ARID5B: variants seen among roughly 807,000 people sequenced by gnomAD.
The protein encoded by ARID5B is AT-rich interactive domain-containing protein 5B.
In ARID5B, 13 loss-of-function variants were observed where a neutral mutation model predicts 97.2. That is an observed-to-expected ratio of 0.13 (90% confidence interval 0.09 to 0.21). ARID5B has a LOEUF of 0.21. ARID5B is among the 10% of genes least tolerant of loss of function. ARID5B has a pLI of 1.00. For missense variants in ARID5B, 1,210 were observed against 1,465.3 expected, an observed-to-expected ratio of 0.83 and a Z score of 2.84; for synonymous variants, 556 against 570.3, an observed-to-expected ratio of 0.97 and a Z score of 0.36.
In ARID5B at chr10:62,089,486, C is replaced by CCTTT. The variant is rs1403742956; in HGVS notation, c.1399-1372_1399-1369dup. Among the ~76,000 whole-genome samples, 5 of 150,780 alleles carry CCTTT rather than the reference C, an allele frequency of 3.3e-5. No homozygotes were observed. In the South Asian group the frequency reaches 8.4e-4, roughly 25 times the overall value. On this transcript the variant is annotated intron_variant, in intron 9 of 9. Transcript: ENST00000279873. ...TCCTGCCTGCCTGCCTTCCTTCCTT[C>CCTTT]CTTTCTTCCTTCCTTCCTTCCCTCC... is the stretch of plus-strand genomic sequence containing the variant.
chr10:61,996,287 T>C (rs546145766), intron 3 of ARID5B, among the ~76,000 whole-genome samples: 2 of 152,200 alleles, frequency 1.3e-5, no homozygotes, highest in South Asian at 4.1e-4. Flanking sequence ...AACAGAAGTC[T>C]TATATTTGAC....
intron 4 of ARID5B, among the ~76,000 whole-genome samples, chr10:62,015,010 G>A (rs1027274341): frequency 2.0e-5 from 3 of 152,022 alleles, no homozygotes; most frequent in East Asian, 1.9e-4. Flanking sequence ...CTCTGTAAAC[G>A]TTACACTTCA....
chr10:61,934,401 C>T (rs551395524), intron 2 of ARID5B, among the ~76,000 whole-genome samples: 28 of 152,294 alleles, frequency 1.8e-4, no homozygotes, highest in African/African-American at 6.5e-4. Context: ...GGTTAACTGG[C>T]GCAAGAGGCC....
chr10:62,042,176 A>C (rs1415734785), intron 4 of ARID5B, among the ~76,000 whole-genome samples: 1 of 152,312 alleles, frequency 6.6e-6, no homozygotes, highest in East Asian at 1.9e-4. Flanking sequence ...GAAAGACTAA[A>C]TCTGTATTTA....
intron 4 of ARID5B, among the ~76,000 whole-genome samples, chr10:62,002,124 A>C (rs1160775337): frequency 6.6e-6 from 1 of 152,214 alleles, no homozygotes; most frequent in Non-Finnish European, 1.5e-5. Context: ...TTCACAACGT[A>C]ATATGAGGAA....
chr10:62,028,579 C>T (rs1839452355), intron 4 of ARID5B, among the ~76,000 whole-genome samples: 1 of 152,142 alleles, frequency 6.6e-6, no homozygotes, highest in South Asian at 2.1e-4. Flanking sequence ...GCCTCAGTTT[C>T]CTCATTTCTA....
At chr10:62,069,608 C>G in intron 7 of ARID5B, 92 bp from the exon 8 acceptor site, 3 of 1,133,216 alleles carry the variant, frequency 2.6e-6, no homozygotes, top group East Asian at 4.8e-5. Flanking sequence ...CCAGAACAGA[C>G]TGTTCTCTTC....
At chr10:62,057,056 T>G in intron 5 of ARID5B, 61 bp from the exon 6 acceptor site, 1 of 1,538,120 alleles carries the variant, frequency 6.5e-7, no homozygotes, top group South Asian at 1.1e-5. Context: ...TCACTAGCTA[T>G]GTCTTGGTAA....
chr10:61,986,251 C>T (rs1838845414), intron 3 of ARID5B, among the ~76,000 whole-genome samples: 1 of 152,158 alleles, frequency 6.6e-6, no homozygotes, highest in African/African-American at 2.4e-5. Flanking sequence ...CTGTGTCCTC[C>T]TGTATAAAAT....
intron 3 of ARID5B, among the ~76,000 whole-genome samples, chr10:61,980,018 G>A (rs1006060994): frequency 1.1e-4 from 16 of 152,146 alleles, no homozygotes; most frequent in South Asian, 4.1e-4. Flanking sequence ...ACTTGAACCC[G>A]GGAGGCAGGG....
At chr10:62,049,280 C>G in intron 4 of ARID5B, 3 of 1,449,782 alleles carry the variant, frequency 2.1e-6, no homozygotes, top group Non-Finnish European at 2.7e-6. Flanking sequence ...CGGTGCTAGT[C>G]ACTGCTGTGT....
At chr10:62,031,890 A>T (rs1379466701) in intron 4 of ARID5B, among the ~76,000 whole-genome samples, 1 of 152,184 alleles carries the variant, frequency 6.6e-6, no homozygotes, top group Non-Finnish European at 1.5e-5. Flanking sequence ...GATAAGAAAA[A>T]ATCATGCGAG....
chr10:61,980,764 C>G (rs1838766087), intron 3 of ARID5B, among the ~76,000 whole-genome samples: 1 of 152,164 alleles, frequency 6.6e-6, no homozygotes, highest in African/African-American at 2.4e-5. Context: ...AAGATGGGCC[C>G]CCCTTCTGCC....
chr10:62,072,674 A>G (rs1013404745), intron 8 of ARID5B, among the ~76,000 whole-genome samples: 5 of 152,202 alleles, frequency 3.3e-5, no homozygotes, highest in South Asian at 2.1e-4. Context: ...TTTGCCATCT[A>G]GACTCCTCTC....
chr10:61,954,004 T>C (rs1376981817), intron 3 of ARID5B, among the ~76,000 whole-genome samples: 1 of 152,148 alleles, frequency 6.6e-6, no homozygotes. Context: ...TGATTGAGGG[T>C]TAAGTGAGCC....
intron 2 of ARID5B, among the ~76,000 whole-genome samples, chr10:61,907,050 A>G (rs1425924756): frequency 6.6e-6 from 1 of 152,254 alleles, no homozygotes; most frequent in African/African-American, 2.4e-5. Context: ...GAGCTTACTG[A>G]AAAGTTTTTC....
At chr10:62,038,128 G>C (rs1839588648) in intron 4 of ARID5B, among the ~76,000 whole-genome samples, 1 of 152,160 alleles carries the variant, frequency 6.6e-6, no homozygotes, top group South Asian at 2.1e-4. Flanking sequence ...TTTAATACCA[G>C]GTTTGTTTGC....
intron 4 of ARID5B, among the ~76,000 whole-genome samples, chr10:62,034,395 T>C (rs1174984565): frequency 6.6e-6 from 1 of 152,222 alleles, no homozygotes; most frequent in Admixed American, 6.5e-5. Flanking sequence ...TCTCAGGCTT[T>C]ATGGTGCCAG....
chr10:62,075,140 C>T (rs909263686), intron 8 of ARID5B, among the ~76,000 whole-genome samples: 10 of 152,160 alleles, frequency 6.6e-5, no homozygotes, highest in East Asian at 1.9e-4. Context: ...GCAGGGGCCA[C>T]GGCTGGAAAG....
Sources: allele counts gnomAD v4.1 joint callset (sites outside exome capture counted in the v4.1 genomes callset), GRCh38; gene constraint gnomAD v4.1.1; transcripts MANE v1.5; gene names NCBI Gene and HGNC (gene_info 2026-07-23, HGNC 2026-07-21).